HMGB1: variants seen among roughly 807,000 people sequenced by gnomAD.
HMGB1 encodes the protein high mobility group protein B1.
For missense variants in HMGB1, 79 were observed against 253.5 expected (o/e 0.31, Z 4.67); for synonymous variants, 81 against 84.0 (o/e 0.96, Z 0.19).
At chr13:30,537,242 G>A (rs1055355772) in intron 1 of HMGB1, among the ~76,000 whole-genome samples, 2 of 151,806 alleles carry the variant, frequency 1.3e-5, no homozygotes, top group Non-Finnish European at 2.9e-5. Context: ...TCTCCCCACC[G>A]TCACCCAGCC....
At chr13:30,607,121 G>C (rs1223689627) in intron 1 of HMGB1, among the ~76,000 whole-genome samples, 1 of 152,180 alleles carries the variant, frequency 6.6e-6, no homozygotes, top group Non-Finnish European at 1.5e-5. Context: ...ACCTTCACTA[G>C]CCATCTAGTC....
intron 1 of HMGB1, among the ~76,000 whole-genome samples, chr13:30,523,601 C>A (rs1054468001): frequency 1.3e-5 from 2 of 152,136 alleles, no homozygotes; most frequent in African/African-American, 4.8e-5. Flanking sequence ...AGGGCCCACT[C>A]TCTGCATATG....
At position 30,464,563 on chromosome 13, in the gene HMGB1, G is replaced by GGCAGGCCCT. The variant is rs1204710701; in HGVS notation, c.-14-878_-14-870dup. On this transcript the variant is annotated intron_variant, in intron 1 of 4. Transcript: ENST00000341423. Reference sequence around the variant, plus strand: ...AGGCCCGAGGCCGCCACGTGCGCCCGGCAGGCCCTGCAGGCCCGCGCCGCC... The same window carrying GGCAGGCCCT: ...AGGCCCGAGGCCGCCACGTGCGCCCGGCAGGCCCTGCAGGCCCTGCAGGCCCGCGCCGCC... 44 of 984,418 alleles carry GGCAGGCCCT rather than the reference G, an allele frequency of 4.5e-5. No individual in the cohort carries two copies. The East Asian group carries it at 8.0e-4, about 18-fold the overall frequency. 61.0% of individuals were successfully genotyped at this position (984,418 alleles called of 1,614,324 possible).
At chr13:30,487,193 T>G (rs753129470) in intron 1 of HMGB1, among the ~76,000 whole-genome samples, 1 of 152,170 alleles carries the variant, frequency 6.6e-6, no homozygotes, top group Non-Finnish European at 1.5e-5. Context: ...TGGATGGAAG[T>G]GGCTTTTTCC....
intron 1 of HMGB1, among the ~76,000 whole-genome samples, chr13:30,588,502 G>GT (rs1566033645): frequency 6.6e-6 from 1 of 152,106 alleles, no homozygotes; most frequent in African/African-American, 2.4e-5. Flanking sequence ...TGCAGCGGGG[G>GT]AAAAAACAGA....
chr13:30,549,623 G>A (rs957148857), intron 1 of HMGB1, among the ~76,000 whole-genome samples: 15 of 152,096 alleles, frequency 9.9e-5, no homozygotes, highest in African/African-American at 3.6e-4. Context: ...TTGAACTCCT[G>A]GCCTCAACAG....
At chr13:30,613,226 T>C (rs1326180695) in intron 1 of HMGB1, among the ~76,000 whole-genome samples, 1 of 152,190 alleles carries the variant, frequency 6.6e-6, no homozygotes. Context: ...ATTACAGGCA[T>C]GTGCCACCAC....
intron 1 of HMGB1, among the ~76,000 whole-genome samples, chr13:30,596,727 A>G (rs1593335562): frequency 1.3e-5 from 2 of 152,356 alleles, no homozygotes; most frequent in Admixed American, 1.3e-4. Context: ...GAATACACAA[A>G]GGATACAGAA....
chr13:30,515,613 AT>A (rs1274785554), intron 1 of HMGB1, among the ~76,000 whole-genome samples: 2 of 151,982 alleles, frequency 1.3e-5, no homozygotes, highest in Non-Finnish European at 2.9e-5. Flanking sequence ...TATTATCAAC[AT>A]TAAAAACTAT....
At chr13:30,571,674 T>A (rs1870442848) in intron 1 of HMGB1, among the ~76,000 whole-genome samples, 1 of 152,154 alleles carries the variant, frequency 6.6e-6, no homozygotes, top group Admixed American at 6.5e-5. Context: ...GCCTAGTGGT[T>A]TTGAAGCCAC....
intron 1 of HMGB1, among the ~76,000 whole-genome samples, chr13:30,538,891 G>T (rs551832708): frequency 6.6e-6 from 1 of 150,946 alleles, no homozygotes; most frequent in East Asian, 1.9e-4. Flanking sequence ...TGGCCCAAAG[G>T]TGTTTTGTTT....
intron 1 of HMGB1, among the ~76,000 whole-genome samples, chr13:30,537,731 T>G (rs529257125): frequency 6.6e-4 from 93 of 141,448 alleles, no homozygotes; most frequent in African/African-American, 2.3e-3. Flanking sequence ...GAGGATGGAC[T>G]TGTGACTATT....
At position 30,500,501 on chromosome 13, in the gene HMGB1, C is replaced by CT. The variant is rs530204236; in HGVS notation, c.-14-36808dup. On this transcript the variant is annotated intron_variant, in intron 1 of 4. Transcript: ENST00000405805. Reference sequence around the variant, plus strand: ...CCTCCCCACTCAGCCTCCCAAATAGCTGGGACTACATGTGTGTGCTCCCTC... The same window carrying CT: ...CCTCCCCACTCAGCCTCCCAAATAGCTTGGGACTACATGTGTGTGCTCCCTC... Among the ~76,000 whole-genome samples, 47 of 150,308 alleles carry CT rather than the reference C, an allele frequency of 3.1e-4. 1 individual carries two copies. In the South Asian group the frequency reaches 9.3e-3, roughly 30 times the overall value.
intron 1 of HMGB1, among the ~76,000 whole-genome samples, chr13:30,524,570 C>G (rs928658751): frequency 1.3e-5 from 2 of 152,026 alleles, no homozygotes; most frequent in Admixed American, 1.3e-4. Context: ...GTAATCCCAG[C>G]TACTTGGGAG....
chr13:30,473,208 C>T (rs1050382963), intron 1 of HMGB1, among the ~76,000 whole-genome samples: 8 of 152,132 alleles, frequency 5.3e-5, no homozygotes, highest in Middle Eastern at 3.4e-3. Flanking sequence ...CCGAGTTTTC[C>T]GGGGGGAAAT....
intron 1 of HMGB1, among the ~76,000 whole-genome samples, chr13:30,502,526 A>G (rs1407797149): frequency 2.0e-5 from 3 of 152,220 alleles, no homozygotes; most frequent in Admixed American, 6.5e-5. Context: ...TAATGTACAT[A>G]CTGCATGGAT....
At chr13:30,475,564 C>T (rs972128600) in intron 1 of HMGB1, among the ~76,000 whole-genome samples, 9 of 150,180 alleles carry the variant, frequency 6.0e-5, no homozygotes, top group African/African-American at 1.2e-4. Flanking sequence ...GTGGTGGTGG[C>T]GCTCACCTGT....
In HMGB1 at chr13:30,458,331, G is replaced by GTTTTTTTT. The variant is rs398022159; in HGVS notation, c.*3018_*3025dup. 3 of 137,036 alleles carry GTTTTTTTT rather than the reference G, an allele frequency of 2.2e-5. No homozygotes were observed. The highest frequency in any genetic ancestry group is 8.3e-5 in the African/African-American group (3 of 36,244). The allele number at this position is 137,036 out of a possible 1,614,324, so 8.5% of individuals were successfully genotyped here. ...TTCAAAAACCAGTTGTCTCTCCTGT[G>GTTTTTTTT]TTTTTTTTTTTTTTTTGAGATGGAG... On this transcript the variant is annotated 3_prime_UTR_variant, in exon 5 of 5. Coordinates refer to ENST00000341423, the MANE Select transcript of HMGB1 (RefSeq NM_002128.7).
At chr13:30,566,204 T>C (rs776299862) in intron 1 of HMGB1, among the ~76,000 whole-genome samples, 8 of 152,232 alleles carry the variant, frequency 5.3e-5, no homozygotes, top group Admixed American at 1.3e-4. Context: ...GAGTCCCTAC[T>C]TTCCTCAGGT....
Sources: gnomAD v4.1 joint callset for allele counts (sites outside exome capture counted in the v4.1 genomes callset) on GRCh38, gnomAD v4.1.1 for gene constraint, MANE v1.5 for transcripts, NCBI Gene and HGNC (gene_info 2026-07-23, HGNC 2026-07-21) for gene names.